The following PIP5K1C variants were observed in gnomAD, a reference collection of about 807,000 sequenced individuals.
PIP5K1C encodes the protein phosphatidylinositol 4-phosphate 5-kinase type-1 gamma.
A neutral mutation model predicts 80.1 loss-of-function variants in PIP5K1C; 45 were observed. The ratio of observed to expected loss-of-function variants is 0.56; its 90% CI spans 0.44 to 0.72. The LOEUF (loss-of-function observed/expected upper bound fraction) is 0.72, where lower values mean the gene tolerates loss of function less well. Ranked by LOEUF, PIP5K1C falls within the 30% of genes least tolerant of loss-of-function variation. The probability of loss-of-function intolerance (pLI) is 0.00; values close to 1 mark genes in which losing one functional copy is unlikely to be tolerated. For synonymous variants in PIP5K1C, 498 were observed against 420.1 expected, an observed-to-expected ratio of 1.19 and a Z score of -2.27; for missense variants, 753 against 954.6, an observed-to-expected ratio of 0.79 and a Z score of 2.78.
At chr19:3,686,620 A>T (rs991129242) in intron 1 of PIP5K1C, among the ~76,000 whole-genome samples, 3 of 151,944 alleles carry the variant, frequency 2.0e-5, no homozygotes, top group Admixed American at 2.0e-4. Flanking sequence ...CAGGAGGCTG[A>T]GGCAGGAGAA....
Position 3,639,878 on chromosome 19 carries a change from CGGCCTT to C in PIP5K1C, c.1788-868_1788-863del, listed in dbSNP as rs574078670. ...GGAGGCACGGAGAGGAGGTGAGGAA[CGGCCTT>C]GGCCTTGGCTATGGCCACACGGTGC... On this transcript the variant is annotated intron_variant, in intron 15 of 17. Transcript: ENST00000335312. Among the ~76,000 whole-genome samples the C allele has an allele frequency of 2.0e-4, 30 of 152,316 alleles. No individual in the cohort carries two copies. In the East Asian group the frequency reaches 5.2e-3, roughly 26 times the overall value.
intron 16 of PIP5K1C, chr19:3,638,040 A>G: frequency 6.8e-7 from 1 of 1,477,052 alleles, no homozygotes; most frequent in Middle Eastern, 2.2e-4. Context: ...GTTATGAAGC[A>G]GCGAGGAGGT....
intron 1 of PIP5K1C, among the ~76,000 whole-genome samples, chr19:3,672,161 G>C (rs1007256573): frequency 6.6e-6 from 1 of 152,206 alleles, no homozygotes; most frequent in South Asian, 2.1e-4. Context: ...GCTTCTCTCT[G>C]AGCCTCAGTC....
rs1473177300 is a variant in PIP5K1C, at chr19:3,700,291, C to A, written c.94+6G>T. The A allele has an allele frequency of 1.6e-6, 2 of 1,269,742 alleles. No individual in the cohort carries two copies. The highest frequency in any genetic ancestry group is 2.9e-5 in the Admixed American group (1 of 33,934). 78.7% of individuals were successfully genotyped at this position (1,269,742 alleles called of 1,614,324 possible). A position where few individuals can be genotyped will look rare whatever the true frequency, so the allele number is the denominator to read the frequency against. On this transcript the variant is annotated splice_donor_region_variant and intron_variant, in intron 1 of 17. Transcript: ENST00000335312. ...GGGCCGCAGCCCCGGGAGGCCGGGC[C>A]GTTACCTGCCGCCGCCCCGCTCTCT...
At chr19:3,699,359 C>CTA (rs2036225147) in intron 1 of PIP5K1C, among the ~76,000 whole-genome samples, 1 of 143,236 alleles carries the variant, frequency 7.0e-6, no homozygotes, top group Admixed American at 7.6e-5. Flanking sequence ...TTGATGACTT[C>CTA]CACACTCTCT....
intron 16 of PIP5K1C, among the ~76,000 whole-genome samples, chr19:3,635,691 C>T (rs1009219673): frequency 8.9e-5 from 13 of 146,528 alleles, no homozygotes; most frequent in African/African-American, 3.0e-4. Flanking sequence ...TCAAAAAAAA[C>T]AAACAAGGCT....
At chr19:3,659,626 C>T (rs1248559338) in intron 5 of PIP5K1C, among the ~76,000 whole-genome samples, 3 of 152,162 alleles carry the variant, frequency 2.0e-5, no homozygotes, top group South Asian at 2.1e-4. Flanking sequence ...CTCAGGCAAA[C>T]GCTGGGACAC....
At chr19:3,649,965 C>A in intron 8 of PIP5K1C, 1 of 235,448 alleles carries the variant, frequency 4.2e-6, no homozygotes, top group South Asian at 4.5e-5. Flanking sequence ...GCCCTGCACG[C>A]TCTGCTCACG....
intron 14 of PIP5K1C, among the ~76,000 whole-genome samples, chr19:3,642,289 T>C (rs371381399): frequency 7.9e-5 from 12 of 152,352 alleles, no homozygotes; most frequent in African/African-American, 2.9e-4. Context: ...ACCGCGCCAC[T>C]GCCCCAGTGT....
intron 1 of PIP5K1C, among the ~76,000 whole-genome samples, chr19:3,699,236 G>A (rs972645773): frequency 4.0e-5 from 6 of 151,814 alleles, no homozygotes; most frequent in Non-Finnish European, 7.4e-5. Flanking sequence ...CGCAAAGAAA[G>A]GGGCGAGGCC....
chr19:3,644,045 C>A, intron 12 of PIP5K1C, 42 bp downstream of exon 12: 3 of 1,605,542 alleles, frequency 1.9e-6, no homozygotes, highest in Non-Finnish European at 2.5e-6. Context: ...TGCTGGCACC[C>A]CCTGTAGCGC....
chr19:3,659,734 T>C (rs891120477), intron 5 of PIP5K1C, among the ~76,000 whole-genome samples: 1 of 146,246 alleles, frequency 6.8e-6, no homozygotes, highest in Admixed American at 6.8e-5. Context: ...GAGGGGGGGG[T>C]GTCACACGTA....
At chr19:3,643,440 G>A in intron 12 of PIP5K1C, 59 bp from the exon 13 acceptor site, 1 of 1,601,532 alleles carries the variant, frequency 6.2e-7, no homozygotes, top group Non-Finnish European at 8.5e-7. Flanking sequence ...ACACACAGTC[G>A]ATTCTCCCTG....
chr19:3,648,819 C>A lies in PIP5K1C; in HGVS notation c.1128-111G>T. 2 of 858,272 alleles carry A rather than the reference C, an allele frequency of 2.3e-6. No homozygotes were observed. Among genetic ancestry groups the A allele is most frequent in the Admixed American group, 2.0e-5 (1 of 49,704 alleles). 53.2% of individuals were successfully genotyped at this position (858,272 alleles called of 1,614,324 possible). ...GTCCATCTGCTCCTGTGGGTGGCAA[C>A]TTGGCCAAGCTCTCGGAGTGGGGCC... is the stretch of plus-strand genomic sequence containing the variant. On this transcript the variant is annotated intron_variant, in intron 8 of 17. Transcript: ENST00000335312. This position sits in a 1 kb window ranked among gnomAD's most constrained non-coding sequence, Gnocchi z 4.3.
In PIP5K1C at chr19:3,637,221, G is replaced by A. The variant is rs2033724196; in HGVS notation, c.1920+1663C>T. The stretch of plus-strand genomic sequence containing the variant: ...CTGACACGAGAGGGCTGGGTCCAGG[G>A]GCAGAGAGGGGCTCGCTGGGGTCTG... On this transcript the variant is annotated intron_variant, in intron 16 of 17. Coordinates refer to ENST00000335312, the MANE Select transcript of PIP5K1C (RefSeq NM_012398.3). The surrounding 1 kb of genome is among the most constrained non-coding windows in gnomAD (Gnocchi z 7.0). 6.9e-7 allele frequency: 1 copy of A among 1,440,028 alleles called. No individual in the cohort carries two copies. Among genetic ancestry groups the A allele is most frequent in the South Asian group, 1.5e-5 (1 of 68,086 alleles). 89.2% of individuals were successfully genotyped at this position (1,440,028 alleles called of 1,614,324 possible).
intron 15 of PIP5K1C, among the ~76,000 whole-genome samples, chr19:3,639,953 A>G (rs1385749126): frequency 6.6e-6 from 1 of 152,206 alleles, no homozygotes; most frequent in African/African-American, 2.4e-5. Context: ...CCCTCCTGCC[A>G]TGTCGGAGGT....
chr19:3,655,648 T>TA (rs1476228449), intron 6 of PIP5K1C, among the ~76,000 whole-genome samples: 1 of 152,182 alleles, frequency 6.6e-6, no homozygotes, highest in Non-Finnish European at 1.5e-5. Context: ...TCTGGGCCTT[T>TA]AAAGACTGAG....
chr19:3,632,131 C>T lies in PIP5K1C; in HGVS notation c.*1036G>A, dbSNP rs565868185. 1.3e-5 allele frequency: 2 copies of T among 152,318 alleles called. No individual in the cohort carries two copies. The highest frequency in any genetic ancestry group is 6.5e-5 in the Admixed American group (1 of 15,294). The allele number at this position is 152,318 out of a possible 1,614,324, so 9.4% of individuals were successfully genotyped here. A position where few individuals can be genotyped will look rare whatever the true frequency, so the allele number is the denominator to read the frequency against. ...GAAACAAAGTCTTCTCTCCCCTCCT[C>T]GGAGACATCACATCACTTAAACAAG... On this transcript the variant is annotated 3_prime_UTR_variant, in exon 18 of 18. Transcript: ENST00000335312.
chr19:3,645,154 G>A (rs533256282), intron 11 of PIP5K1C, among the ~76,000 whole-genome samples: 1 of 152,352 alleles, frequency 6.6e-6, no homozygotes, highest in African/African-American at 2.4e-5. Context: ...GCTGGGCACT[G>A]GCGTGCCTGT....
Sources: gnomAD v4.1 joint callset for allele counts (sites outside exome capture counted in the v4.1 genomes callset) on GRCh38, gnomAD v4.1.1 for gene constraint, Gnocchi (gnomAD v3.1) non-coding constraint, MANE v1.5 for transcripts, NCBI Gene and HGNC (gene_info 2026-07-23, HGNC 2026-07-21) for gene names.